The following PPP5C variants were observed in gnomAD, a reference collection of about 807,000 sequenced individuals.
PPP5C encodes serine/threonine-protein phosphatase 5.
Under a neutral mutation model 66.7 loss-of-function variants are expected in PPP5C, and 21 were observed. That is an observed-to-expected ratio of 0.31 (90% CI 0.22 to 0.45). PPP5C has a LOEUF of 0.45. Among genes scored for constraint, PPP5C ranks in the 20% least tolerant of loss-of-function variants. PPP5C has a pLI of 1.00. For synonymous variants in PPP5C, 246 were observed against 257.4 expected, an observed-to-expected ratio of 0.96 and a Z score of 0.43; for missense variants, 464 against 675.9, an observed-to-expected ratio of 0.69 and a Z score of 3.48.
chr19:46,347,867 T>G (rs2147354879), intron 1 of PPP5C, among the ~76,000 whole-genome samples: 2 of 151,608 alleles, frequency 1.3e-5, no homozygotes, highest in Non-Finnish European at 2.9e-5. Context: ...GTGCTTGACT[T>G]TGGGGATATA....
rs780030489 is a variant in PPP5C at position 46,390,394 on chromosome 19, G to T, written c.*48G>T. 1 of 1,551,960 alleles carries T rather than the reference G, an allele frequency of 6.4e-7. No individual in the cohort carries two copies. The highest frequency in any genetic ancestry group is 1.2e-5 in the South Asian group (1 of 84,148). ...ATCCCAGGGCCCCTCCAATCCCACC[G>T]GACCCAGGCCCTGGGCTAGGGGCAG... On this transcript the variant is annotated 3_prime_UTR_variant, in exon 13 of 13. Coordinates refer to ENST00000012443, the MANE Select transcript of PPP5C (RefSeq NM_006247.4).
At chr19:46,357,074 T>C (rs937594633) in intron 2 of PPP5C, among the ~76,000 whole-genome samples, 1 of 152,136 alleles carries the variant, frequency 6.6e-6, no homozygotes, top group Non-Finnish European at 1.5e-5. Context: ...TGAGAGAGAG[T>C]CTTGCTCTGT....
At chr19:46,373,299 T>C (rs11669604) in intron 2 of PPP5C, among the ~76,000 whole-genome samples, 15 of 152,362 alleles carry the variant, frequency 9.8e-5, no homozygotes, top group Middle Eastern at 3.4e-3. Flanking sequence ...TGGCGCAGTT[T>C]CGCCTGGGAG....
intron 2 of PPP5C, among the ~76,000 whole-genome samples, chr19:46,357,451 A>C (rs1972306429): frequency 1.3e-5 from 2 of 152,214 alleles, no homozygotes; most frequent in African/African-American, 4.8e-5. Flanking sequence ...GCAACCAAGC[A>C]GTCGATTCTG....
At chr19:46,367,111 C>T (rs1972503937) in intron 2 of PPP5C, among the ~76,000 whole-genome samples, 3 of 152,146 alleles carry the variant, frequency 2.0e-5, no homozygotes, top group Admixed American at 1.3e-4. Context: ...TAACTGCATT[C>T]ACTGTTAGCC....
chr19:46,366,566 G>A (rs570550898), intron 2 of PPP5C, among the ~76,000 whole-genome samples: 2 of 152,138 alleles, frequency 1.3e-5, no homozygotes, highest in Admixed American at 1.3e-4. Flanking sequence ...GGCTGATCTC[G>A]AACTCCTGGA....
intron 2 of PPP5C, among the ~76,000 whole-genome samples, chr19:46,367,951 C>G (rs942689286): frequency 6.6e-6 from 1 of 152,182 alleles, no homozygotes; most frequent in South Asian, 2.1e-4. Context: ...TCATTTCCCC[C>G]GTTCCAGCTG....
intron 4 of PPP5C, chr19:46,382,038 TGC>T (rs1972800210): frequency 6.6e-6 from 1 of 152,016 alleles, no homozygotes; most frequent in African/African-American, 2.4e-5. Flanking sequence ...GCCACTGGGG[TGC>T]TCTCCGCTCT....
At chr19:46,366,636 G>A (rs918378261) in intron 2 of PPP5C, among the ~76,000 whole-genome samples, 2 of 152,274 alleles carry the variant, frequency 1.3e-5, no homozygotes, top group South Asian at 4.1e-4. Flanking sequence ...TGCATGGCCT[G>A]CTTGAGCTTT....
chr19:46,372,125 T>C (rs1164062308), intron 2 of PPP5C, among the ~76,000 whole-genome samples: 1 of 152,198 alleles, frequency 6.6e-6, no homozygotes, highest in Non-Finnish European at 1.5e-5. Context: ...TTGTGATTAC[T>C]AGGTACTGCC....
At chr19:46,355,744 G>A (rs1025973441) in intron 2 of PPP5C, among the ~76,000 whole-genome samples, 2 of 152,276 alleles carry the variant, frequency 1.3e-5, no homozygotes, top group Non-Finnish European at 1.5e-5. Flanking sequence ...ACATGGTTGA[G>A]TAAAGGTCAC....
At position 46,390,151 on chromosome 19, in the gene PPP5C, C is replaced by G. The variant is rs759558113; in HGVS notation, c.1437+19C>G. 4.3e-6 allele frequency: 7 copies of G among 1,612,308 alleles called. No homozygotes were observed. Among genetic ancestry groups the G allele is most frequent in the Admixed American group, 1.7e-5 (1 of 60,012 alleles). ...AGCAGTGGTGAGTCACCCCTCAGGG[C>G]CCCTGCCCCTTCCATCCCGGCCTGG... On this transcript the variant is annotated intron_variant, in intron 12 of 12. Transcript: ENST00000012443.
At chr19:46,351,308 C>T (rs1335104514) in intron 1 of PPP5C, among the ~76,000 whole-genome samples, 2 of 152,188 alleles carry the variant, frequency 1.3e-5, no homozygotes, top group Non-Finnish European at 2.9e-5. Flanking sequence ...TTGTAAAGCG[C>T]ATAGAACAGG....
At position 46,376,656 on chromosome 19, in the gene PPP5C, C is replaced by T. The variant is rs1304970454; in HGVS notation, c.633+82C>T. 4.8e-5 allele frequency: 75 copies of T among 1,555,524 alleles called. No homozygotes were observed. The highest frequency in any genetic ancestry group is 7.2e-5 in the Admixed American group (4 of 55,722). ...TGCCAGCCGCGGGCACTGAGCAAAA[C>T]GACAGGAGAAGGGCGGCCATGACAG... On this transcript the variant is annotated intron_variant, in intron 4 of 12. Coordinates refer to ENST00000012443, the MANE Select transcript of PPP5C (RefSeq NM_006247.4). The surrounding 1 kb of genome is among the most constrained non-coding windows in gnomAD (Gnocchi z 5.1).
chr19:46,360,701 C>T (rs1318193047), intron 2 of PPP5C, among the ~76,000 whole-genome samples: 1 of 152,072 alleles, frequency 6.6e-6, no homozygotes, highest in Non-Finnish European at 1.5e-5. Flanking sequence ...CAGGGTTTTG[C>T]TATGTTGGCC....
Position 46,376,826 on chromosome 19 carries a change from G to A in PPP5C, c.633+252G>A. ...AAAGGGCCAGAGAGGTCAGGTGACT[G>A]GCCCAGGGTGAAAGGTGAGGAAGCA... On this transcript the variant is annotated intron_variant, in intron 4 of 12. Transcript: ENST00000012443. The surrounding 1 kb of genome is among the most constrained non-coding windows in gnomAD (Gnocchi z 5.1). The A allele has an allele frequency of 2.4e-6, 1 of 421,006 alleles. No homozygotes were observed. Among genetic ancestry groups the A allele is most frequent in the South Asian group, 2.5e-5 (1 of 39,542 alleles). 26.1% of individuals were successfully genotyped at this position (421,006 alleles called of 1,614,324 possible).
intron 2 of PPP5C, among the ~76,000 whole-genome samples, chr19:46,370,421 C>T (rs2147382625): frequency 6.6e-6 from 1 of 152,334 alleles, no homozygotes; most frequent in Non-Finnish European, 1.5e-5. Context: ...CACACCGTGT[C>T]CCACTGGAAG....
At chr19:46,359,883 G>A (rs1255438656) in intron 2 of PPP5C, among the ~76,000 whole-genome samples, 1 of 150,504 alleles carries the variant, frequency 6.6e-6, no homozygotes, top group Non-Finnish European at 1.5e-5. Flanking sequence ...GGGTTCAAGT[G>A]ATTCTCCTGC....
intron 2 of PPP5C, among the ~76,000 whole-genome samples, chr19:46,361,833 T>G (rs953740175): frequency 6.6e-6 from 1 of 151,974 alleles, no homozygotes; most frequent in African/African-American, 2.4e-5. Flanking sequence ...TTTGCATCAA[T>G]GTATTATTTA....
Sources: allele counts gnomAD v4.1 joint callset (sites outside exome capture counted in the v4.1 genomes callset), GRCh38; gene constraint gnomAD v4.1.1; non-coding constraint Gnocchi (gnomAD v3.1); transcripts MANE v1.5; gene names NCBI Gene and HGNC (gene_info 2026-07-23, HGNC 2026-07-21).